FGGY: variants seen among roughly 807,000 people sequenced by gnomAD.
The protein encoded by FGGY is FGGY carbohydrate kinase domain containing.
FGGY carries 72 observed loss-of-function variants against 71.3 expected under a neutral mutation model. The ratio of observed to expected loss-of-function variants is 1.01; its 90% CI spans 0.84 to 1.23. FGGY has a LOEUF of 1.23. Ranked by LOEUF, FGGY falls within the 50% of genes most tolerant of loss-of-function variation. The probability of loss-of-function intolerance (pLI) is 0.00; values close to 1 mark genes in which losing one functional copy is unlikely to be tolerated. For missense variants in FGGY, 668 were observed against 682.3 expected, an observed-to-expected ratio of 0.98 and a Z score of 0.23; for synonymous variants, 251 against 250.3, an observed-to-expected ratio of 1.00 and a Z score of -0.02.
At chr1:59,667,187 A>G (rs1449252498) in intron 12 of FGGY, 96 bp from the exon 13 acceptor site, 1 of 1,425,642 alleles carries the variant, frequency 7.0e-7, no homozygotes, top group Non-Finnish European at 9.8e-7. Context: ...TGTAGAGCTT[A>G]GTACAGTGTC....
intron 2 of FGGY, among the ~76,000 whole-genome samples, chr1:59,334,331 A>G (rs2049053366): frequency 6.6e-6 from 1 of 151,946 alleles, no homozygotes; most frequent in African/African-American, 2.4e-5. Flanking sequence ...TTTAGTAGAG[A>G]TGGGGTTTCA....
At chr1:59,432,855 T>C (rs2067662074) in intron 5 of FGGY, among the ~76,000 whole-genome samples, 1 of 152,178 alleles carries the variant, frequency 6.6e-6, no homozygotes, top group Non-Finnish European at 1.5e-5. Flanking sequence ...ATGCCTGAGG[T>C]CACATAGTTA....
intron 14 of FGGY, among the ~76,000 whole-genome samples, chr1:59,742,150 G>A (rs1048638886): frequency 6.6e-6 from 1 of 152,138 alleles, no homozygotes; most frequent in African/African-American, 2.4e-5. Flanking sequence ...TCCCCTAGCT[G>A]TTGCCTCTCA....
At chr1:59,354,194 C>T (rs1466300412) in intron 4 of FGGY, among the ~76,000 whole-genome samples, 1 of 152,172 alleles carries the variant, frequency 6.6e-6, no homozygotes, top group East Asian at 1.9e-4. Flanking sequence ...TCTCCCACCC[C>T]AGCCTCCTGA....
chr1:59,353,237 T>C (rs2053635651), intron 4 of FGGY, among the ~76,000 whole-genome samples: 1 of 152,204 alleles, frequency 6.6e-6, no homozygotes, highest in Admixed American at 6.5e-5. Flanking sequence ...GTAAAGTGGC[T>C]TATATAGTAG....
chr1:59,474,719 C>A (rs542320576), intron 6 of FGGY, among the ~76,000 whole-genome samples: 1 of 152,322 alleles, frequency 6.6e-6, no homozygotes, highest in East Asian at 1.9e-4. Flanking sequence ...TAGGAACACA[C>A]TGATCAAGCC....
At chr1:59,739,957 C>T (rs375048369) in intron 14 of FGGY, among the ~76,000 whole-genome samples, 40 of 152,288 alleles carry the variant, frequency 2.6e-4, no homozygotes, top group African/African-American at 8.4e-4. Flanking sequence ...ATTCCCCCAG[C>T]GCTCTCCTTG....
chr1:59,742,859 C>T (rs954195666), intron 14 of FGGY, among the ~76,000 whole-genome samples: 2 of 152,214 alleles, frequency 1.3e-5, no homozygotes, highest in African/African-American at 4.8e-5. Flanking sequence ...TTTAATTCTA[C>T]CATCACCATC....
At chr1:59,551,195 A>G (rs1220775459) in intron 7 of FGGY, among the ~76,000 whole-genome samples, 1 of 152,044 alleles carries the variant, frequency 6.6e-6, no homozygotes, top group Non-Finnish European at 1.5e-5. Flanking sequence ...TATCACAACA[A>G]CCATGTGATG....
intron 14 of FGGY, among the ~76,000 whole-genome samples, chr1:59,710,491 A>G (rs557842776): frequency 6.6e-6 from 1 of 152,354 alleles, no homozygotes; most frequent in Non-Finnish European, 1.5e-5. Flanking sequence ...AAAAGAAACT[A>G]TCATCAGAGT....
At chr1:59,570,288 T>C (rs1033390682) in intron 8 of FGGY, among the ~76,000 whole-genome samples, 8 of 152,226 alleles carry the variant, frequency 5.3e-5, no homozygotes, top group African/African-American at 1.9e-4. Context: ...ATTGTTTCCG[T>C]AGTGCCTAGC....
intron 6 of FGGY, among the ~76,000 whole-genome samples, chr1:59,507,235 T>C (rs1055469077): frequency 6.6e-6 from 1 of 152,188 alleles, no homozygotes; most frequent in Non-Finnish European, 1.5e-5. Context: ...TGGCCGCCTG[T>C]GGGTGGTTGA....
chr1:59,582,434 G>A (rs963951474), intron 8 of FGGY, among the ~76,000 whole-genome samples: 2 of 149,812 alleles, frequency 1.3e-5, no homozygotes, highest in African/African-American at 2.5e-5. Flanking sequence ...TCCCCTGCAT[G>A]GTATGGCCTG....
intron 7 of FGGY, among the ~76,000 whole-genome samples, chr1:59,540,747 T>G (rs943663115): frequency 1.3e-5 from 2 of 152,138 alleles, no homozygotes; most frequent in Non-Finnish European, 1.5e-5. Context: ...CAGACATGAG[T>G]ATGAAATAAC....
At chr1:59,476,839 CCTCT>C (rs1484215293) in intron 6 of FGGY, among the ~76,000 whole-genome samples, 1 of 152,170 alleles carries the variant, frequency 6.6e-6, no homozygotes, top group Non-Finnish European at 1.5e-5. Context: ...TTCTTTCCTC[CCTCT>C]CTGTCTTTGA....
intron 6 of FGGY, among the ~76,000 whole-genome samples, chr1:59,478,146 A>G (rs1045918427): frequency 6.6e-6 from 1 of 152,234 alleles, no homozygotes; most frequent in Non-Finnish European, 1.5e-5. Flanking sequence ...GATGACCTCA[A>G]ACAGAGACCT....
chr1:59,443,103 G>T (rs2153480401), intron 5 of FGGY, among the ~76,000 whole-genome samples: 1 of 152,296 alleles, frequency 6.6e-6, no homozygotes, highest in Non-Finnish European at 1.5e-5. Flanking sequence ...ACCACAACTT[G>T]CTGGGTACTG....
At chr1:59,394,010 G>A (rs937057097) in intron 5 of FGGY, among the ~76,000 whole-genome samples, 1 of 152,176 alleles carries the variant, frequency 6.6e-6, no homozygotes, top group African/African-American at 2.4e-5. Flanking sequence ...TTTAAATGTA[G>A]TTCAGTGGAG....
chr1:59,683,533 A>G (rs534144416), intron 14 of FGGY, among the ~76,000 whole-genome samples: 1 of 152,332 alleles, frequency 6.6e-6, no homozygotes, highest in Admixed American at 6.5e-5. Flanking sequence ...TCCACGTTAC[A>G]AGGCCTTGTC....
Sources: allele counts gnomAD v4.1 joint callset (sites outside exome capture counted in the v4.1 genomes callset), GRCh38; gene constraint gnomAD v4.1.1; transcripts MANE v1.5; gene names NCBI Gene and HGNC (gene_info 2026-07-23, HGNC 2026-07-21).